TAFA5: variants seen among roughly 807,000 people sequenced by gnomAD.
TAFA5 encodes chemokine-like protein TAFA-5.
Under a neutral mutation model 15.3 loss-of-function variants are expected in TAFA5, and 6 were observed. The observed-to-expected ratio is 0.39, with a 90% CI of 0.21 to 0.77. The LOEUF (loss-of-function observed/expected upper bound fraction) is 0.77. Ranked by LOEUF, TAFA5 falls within the 30% of genes least tolerant of loss-of-function variation. TAFA5 has a pLI of 0.41. For synonymous variants in TAFA5, 103 were observed against 80.7 expected, an observed-to-expected ratio of 1.28 and a Z score of -1.48; for missense variants, 161 against 193.1, an observed-to-expected ratio of 0.83 and a Z score of 0.98.
chr22:48,629,077 G>A (rs1055216011), intron 1 of TAFA5, among the ~76,000 whole-genome samples: 2 of 152,122 alleles, frequency 1.3e-5, no homozygotes, highest in African/African-American at 4.8e-5. Context: ...AGGCCCTGCC[G>A]GCGGCCTCCT....
intron 1 of TAFA5, among the ~76,000 whole-genome samples, chr22:48,621,729 G>C (rs978423162): frequency 6.6e-6 from 1 of 152,194 alleles, no homozygotes; most frequent in Admixed American, 6.5e-5. Context: ...GGGTGTGACA[G>C]TAGCTTCGTC....
chr22:48,734,977 G>A (rs1387579299), intron 3 of TAFA5, among the ~76,000 whole-genome samples: 1 of 152,212 alleles, frequency 6.6e-6, no homozygotes, highest in Non-Finnish European at 1.5e-5. Flanking sequence ...TGATCTGCAT[G>A]TGGCGTGAGG....
In TAFA5 at chr22:48,747,653, T is replaced by C. The variant is rs150144953; in HGVS notation, c.391-2186T>C. On this transcript the variant is annotated intron_variant, in intron 3 of 3. Transcript: ENST00000402357. ...GGCTCATGCCTGTAATCCCAGCACT[T>C]TGAGAGGCCAAGGTGAGCGGATCAC... Among the ~76,000 whole-genome samples the C allele has an allele frequency of 4.2e-3, 639 of 152,212 alleles. 2 individuals carry two copies. Among genetic ancestry groups the C allele is most frequent in the African/African-American group, 0.014 (588 of 41,504 alleles).
At chr22:48,703,541 G>C (rs4925443) in intron 2 of TAFA5, among the ~76,000 whole-genome samples, 26,664 of 152,236 alleles carry the variant, frequency 0.18, 2,429 homozygotes, top group Non-Finnish European at 0.19. Flanking sequence ...CTGGTGGCTT[G>C]CATCCTAGCC....
chr22:48,694,451 G>A (rs1928637516), intron 2 of TAFA5, among the ~76,000 whole-genome samples: 1 of 152,176 alleles, frequency 6.6e-6, no homozygotes, highest in Non-Finnish European at 1.5e-5. Flanking sequence ...CGGAGTGCAG[G>A]AGGCTCTTCT....
At chr22:48,522,533 CTG>C (rs1243766188) in intron 1 of TAFA5, among the ~76,000 whole-genome samples, 2 of 152,180 alleles carry the variant, frequency 1.3e-5, no homozygotes, top group East Asian at 1.9e-4. Flanking sequence ...CTTCTGGAAA[CTG>C]AGGCTGCCTG....
At chr22:48,699,818 T>TA (rs2147245154) in intron 2 of TAFA5, among the ~76,000 whole-genome samples, 1 of 152,322 alleles carries the variant, frequency 6.6e-6, no homozygotes, top group South Asian at 2.1e-4. Flanking sequence ...CTGCTGCACT[T>TA]ACTCCTGATG....
At chr22:48,697,459 G>A (rs200382243) in intron 2 of TAFA5, among the ~76,000 whole-genome samples, 11 of 151,540 alleles carry the variant, frequency 7.3e-5, no homozygotes, top group South Asian at 2.1e-4. Context: ...GATGGTGGTG[G>A]TATTTATGAT....
chr22:48,544,996 C>T (rs1001934166), intron 1 of TAFA5: 7 of 417,410 alleles, frequency 1.7e-5, no homozygotes, highest in Non-Finnish European at 2.5e-5. Flanking sequence ...TCCTTTGCTG[C>T]GTGGTGGGAG....
At chr22:48,611,592 C>T (rs936482903) in intron 1 of TAFA5, among the ~76,000 whole-genome samples, 2 of 152,154 alleles carry the variant, frequency 1.3e-5, no homozygotes, top group African/African-American at 4.8e-5. Context: ...CCTCCGTGTC[C>T]TGCCACTTTG....
At chr22:48,528,278 C>T (rs187930967) in intron 1 of TAFA5, among the ~76,000 whole-genome samples, 68 of 152,278 alleles carry the variant, frequency 4.5e-4, no homozygotes, top group African/African-American at 1.4e-3. Flanking sequence ...TGCAGAGTTG[C>T]GGTGAGGACT....
At chr22:48,663,889 G>C (rs1184572203) in intron 2 of TAFA5, among the ~76,000 whole-genome samples, 1 of 152,230 alleles carries the variant, frequency 6.6e-6, no homozygotes, top group Non-Finnish European at 1.5e-5. Context: ...CAAGAGCACG[G>C]GTGATGCTGG....
chr22:48,573,150 A>C (rs1049045589), intron 1 of TAFA5, among the ~76,000 whole-genome samples: 1 of 152,122 alleles, frequency 6.6e-6, no homozygotes, highest in African/African-American at 2.4e-5. Context: ...CCCACCCGGC[A>C]CTGTGGAAGT....
intron 2 of TAFA5, among the ~76,000 whole-genome samples, chr22:48,705,390 T>G (rs377187888): frequency 6.6e-6 from 1 of 152,316 alleles, no homozygotes; most frequent in African/African-American, 2.4e-5. Flanking sequence ...TTGTCGGAAC[T>G]GAGGACGAGA....
At chr22:48,620,993 C>CTAT (rs1925805708) in intron 1 of TAFA5, among the ~76,000 whole-genome samples, 1 of 122,922 alleles carries the variant, frequency 8.1e-6, no homozygotes, top group African/African-American at 3.5e-5. Flanking sequence ...CACCCACCCA[C>CTAT]CCACACTATC....
chr22:48,678,208 C>T (rs1395954147), intron 2 of TAFA5, among the ~76,000 whole-genome samples: 1 of 152,212 alleles, frequency 6.6e-6, no homozygotes, highest in Non-Finnish European at 1.5e-5. Context: ...TCTGAGGCTT[C>T]TCTTTCCTGT....
intron 3 of TAFA5, among the ~76,000 whole-genome samples, chr22:48,717,589 G>A (rs533438811): frequency 1.3e-5 from 2 of 152,370 alleles, no homozygotes; most frequent in African/African-American, 4.8e-5. Flanking sequence ...GCGTGGGAAC[G>A]TTGGAGAGCT....
At position 48,489,707 on chromosome 22, in the gene TAFA5, G is replaced by A; in HGVS notation, c.112+3G>A. On this transcript the variant is annotated splice_donor_region_variant and intron_variant, in intron 1 of 3. Coordinates refer to ENST00000402357, the MANE Select transcript of TAFA5 (RefSeq NM_001082967.3). This position sits in a 1 kb window ranked among gnomAD's most constrained non-coding sequence, Gnocchi z 5.5. ...CAGCCTGCTCATCGCCTACTGCAGT[G>A]AGTACCGCGCGGCCCCGGCCCCGGC... The A allele has an allele frequency of 6.8e-7, 1 of 1,469,664 alleles. No individual in the cohort carries two copies. Among genetic ancestry groups the A allele is most frequent in the Non-Finnish European group, 9.1e-7 (1 of 1,103,120 alleles). The allele number at this position is 1,469,664 out of a possible 1,614,324, so 91.0% of individuals were successfully genotyped here. A position where few individuals can be genotyped will look rare whatever the true frequency, so the allele number is the denominator to read the frequency against.
intron 3 of TAFA5, among the ~76,000 whole-genome samples, chr22:48,730,911 G>A (rs966970874): frequency 6.6e-6 from 1 of 152,136 alleles, no homozygotes; most frequent in Non-Finnish European, 1.5e-5. Flanking sequence ...AGAGGCGTCC[G>A]TCTCTCACCT....
Sources: gnomAD v4.1 joint callset for allele counts (sites outside exome capture counted in the v4.1 genomes callset) on GRCh38, gnomAD v4.1.1 for gene constraint, Gnocchi (gnomAD v3.1) non-coding constraint, MANE v1.5 for transcripts, NCBI Gene and HGNC (gene_info 2026-07-23, HGNC 2026-07-21) for gene names.